HRH1: variants seen among roughly 807,000 people sequenced by gnomAD.
HRH1 encodes histamine H1 receptor.
In HRH1, 6 loss-of-function variants were observed where a neutral mutation model predicts 10.3. The ratio of observed to expected loss-of-function variants is 0.58; its 90% CI spans 0.32 to 1.15. The LOEUF (loss-of-function observed/expected upper bound fraction) is 1.15. Among genes scored for constraint, HRH1 ranks in the 50% most tolerant of loss-of-function variants. The probability of loss-of-function intolerance (pLI) is 0.05; values close to 1 mark genes in which losing one functional copy is unlikely to be tolerated. For missense variants in HRH1, 514 were observed against 615.3 expected (o/e 0.84, Z 1.74); for synonymous variants, 242 against 236.7 (o/e 1.02, Z -0.21).
upstream of HRH1, among the ~76,000 whole-genome samples, chr3:11,150,181 G>A (rs574706296): frequency 1.5e-4 from 23 of 152,326 alleles, no homozygotes; most frequent in African/African-American, 5.5e-4. Context: ...CTAAAGAAAT[G>A]TTAGAAAATA....
At chr3:11,164,806 C>T (rs1339163229) in intron 1 of HRH1, among the ~76,000 whole-genome samples, 5 of 152,152 alleles carry the variant, frequency 3.3e-5, no homozygotes, top group African/African-American at 7.2e-5. Context: ...CAGATGCAGA[C>T]GCAGGAATTT....
At chr3:11,183,747 T>TCGCTCTGTCGCCCAGGCTGGAGTGC (rs1937400873) in intron 1 of HRH1, among the ~76,000 whole-genome samples, 1 of 151,426 alleles carries the variant, frequency 6.6e-6, no homozygotes, top group South Asian at 2.1e-4. Flanking sequence ...AGAAGGAGTC[T>TCGCTCTGTCGCCCAGGCTGGAGTGC]CGCTCTGTCG....
chr3:11,193,803 C>T (rs557331885), intron 1 of HRH1, among the ~76,000 whole-genome samples: 1 of 152,138 alleles, frequency 6.6e-6, no homozygotes. Context: ...TCAGGCCTCT[C>T]GTGTAAGAGC....
At chr3:11,147,861 C>T (rs73010377) in intron 1 of HRH1, among the ~76,000 whole-genome samples, 21,619 of 152,094 alleles carry the variant, frequency 0.14, 1,765 homozygotes, top group East Asian at 0.3. Context: ...CCTGTTTCCA[C>T]GCTCCCTGCC....
rs1202465883 is a variant in HRH1 at position 11,260,472 on chromosome 3, T to A, written c.1435T>A (p.Phe479Ile). The change falls in exon 2 of 2, where the codon TTC becomes ATC. Residue 479 changes from phenylalanine to isoleucine, a missense_variant. Phe to Ile is a conservative substitution (Grantham distance 21). Transcript: ENST00000431010. ...PLCNENFKKT[F>I]KRILHIRS ...GTGCAATGAGAACTTCAAGAAGACATTCAAGAGAATTCTGCATATTCGCTC... is the reference window on the plus strand; with the variant it reads ...GTGCAATGAGAACTTCAAGAAGACAATCAAGAGAATTCTGCATATTCGCTC... 1 of 1,607,116 alleles carries A rather than the reference T, an allele frequency of 6.2e-7. No individual in the cohort carries two copies. The highest frequency in any genetic ancestry group is 1.7e-5 in the Admixed American group (1 of 59,420).
chr3:11,173,424 A>G (rs1436603185), intron 1 of HRH1, among the ~76,000 whole-genome samples: 1 of 151,632 alleles, frequency 6.6e-6, no homozygotes, highest in Non-Finnish European at 1.5e-5. Context: ...GTTTTTTGAG[A>G]TGGAGTCTCG....
intron 1 of HRH1, among the ~76,000 whole-genome samples, chr3:11,194,824 A>G (rs1446633766): frequency 2.6e-5 from 4 of 152,240 alleles, no homozygotes; most frequent in Admixed American, 6.5e-5. Flanking sequence ...CAAAAAATAA[A>G]TAAATGAATA....
intron 1 of HRH1, among the ~76,000 whole-genome samples, chr3:11,220,971 G>A (rs1250211899): frequency 6.6e-6 from 1 of 152,180 alleles, no homozygotes; most frequent in Non-Finnish European, 1.5e-5. Context: ...ACTGAGATGA[G>A]AAGGAGAAAT....
At chr3:11,237,289 A>G (rs146005382) in intron 1 of HRH1, among the ~76,000 whole-genome samples, 44 of 152,352 alleles carry the variant, frequency 2.9e-4, no homozygotes, top group Admixed American at 5.2e-4. Context: ...ACGGATGTCC[A>G]TGTTTTCAAT....
chr3:11,214,035 G>A (rs959379142), intron 1 of HRH1, among the ~76,000 whole-genome samples: 1 of 152,150 alleles, frequency 6.6e-6, no homozygotes, highest in Admixed American at 6.5e-5. Flanking sequence ...TCAGCGTGGG[G>A]TTTGTGGAAG....
intron 1 of HRH1, among the ~76,000 whole-genome samples, chr3:11,185,673 G>A (rs1296685412): frequency 1.3e-5 from 2 of 152,142 alleles, no homozygotes; most frequent in Non-Finnish European, 2.9e-5. Flanking sequence ...GTCTTCATTT[G>A]CCTATCTGGA....
In HRH1 at chr3:11,144,985, C is replaced by A. The variant is rs148110847; in HGVS notation, c.-36+7586C>A. 4.6e-5 allele frequency among the ~76,000 whole-genome samples: 7 copies of A among 152,314 alleles called. No individual in the cohort carries two copies. In the East Asian group the frequency reaches 1.3e-3, roughly 29 times the overall value. On this transcript the variant is annotated intron_variant, in intron 1 of 1. Coordinates refer to the HRH1 transcript ENST00000438284. ...CCATGAGTTTCCTTAACGATTTCCTCTCCTGTCCCGCTATACTGCTGGTTA... is the reference window on the plus strand; with the variant it reads ...CCATGAGTTTCCTTAACGATTTCCTATCCTGTCCCGCTATACTGCTGGTTA...
In HRH1 at chr3:11,261,247, A is replaced by C. The variant is rs346068; in HGVS notation, c.*746A>C. 194 of 167,174 alleles carry C rather than the reference A, an allele frequency of 1.2e-3. 1 individual carries two copies. The highest frequency in any genetic ancestry group is 4.0e-3 in the African/African-American group (167 of 41,576). The allele number at this position is 167,174 out of a possible 1,614,324, so 10.4% of individuals were successfully genotyped here. On this transcript the variant is annotated 3_prime_UTR_variant, in exon 2 of 2. Transcript: ENST00000431010. The stretch of plus-strand genomic sequence containing the variant: ...GCTATTAAAAAAGTGGTGGCAAAAG[A>C]CATCCTCAAAAGAAAGAGAAATGAA...
intron 1 of HRH1, among the ~76,000 whole-genome samples, chr3:11,218,835 C>G (rs1030560972): frequency 6.6e-6 from 1 of 152,010 alleles, no homozygotes; most frequent in African/African-American, 2.4e-5. Context: ...CTCGGCCTCC[C>G]AAAGTGCTGG....
At chr3:11,205,292 A>C (rs1161340475) in intron 1 of HRH1, among the ~76,000 whole-genome samples, 1 of 151,988 alleles carries the variant, frequency 6.6e-6, no homozygotes, top group African/African-American at 2.4e-5. Flanking sequence ...CTGTGTGTAG[A>C]TCATCCAGCT....
At chr3:11,253,551 TC>T (rs1197695252) in intron 1 of HRH1, among the ~76,000 whole-genome samples, 1 of 152,190 alleles carries the variant, frequency 6.6e-6, no homozygotes, top group Non-Finnish European at 1.5e-5. Flanking sequence ...ATTCTGTCGG[TC>T]CCTCATCTTT....
intron 1 of HRH1, among the ~76,000 whole-genome samples, chr3:11,241,468 C>T (rs1200955161): frequency 1.3e-5 from 2 of 151,986 alleles, no homozygotes; most frequent in Admixed American, 6.5e-5. Context: ...TAAAACGCAC[C>T]AATCAGCACT....
upstream of HRH1, among the ~76,000 whole-genome samples, chr3:11,151,686 C>T (rs1305491052): frequency 6.6e-6 from 1 of 152,084 alleles, no homozygotes; most frequent in Non-Finnish European, 1.5e-5. Context: ...TTTGTAGAGA[C>T]AAGGTCTCCT....
At chr3:11,210,490 C>T (rs1938290481) in intron 1 of HRH1, among the ~76,000 whole-genome samples, 1 of 152,070 alleles carries the variant, frequency 6.6e-6, no homozygotes, top group South Asian at 2.1e-4. Flanking sequence ...ACATAGTAAG[C>T]ACTAAATAAA....
Sources: allele counts gnomAD v4.1 joint callset (sites outside exome capture counted in the v4.1 genomes callset), GRCh38; gene constraint gnomAD v4.1.1; transcripts MANE v1.5; gene names NCBI Gene and HGNC (gene_info 2026-07-23, HGNC 2026-07-21).